MIPEP: variants seen among roughly 807,000 people sequenced by gnomAD.
MIPEP encodes the protein mitochondrial intermediate peptidase.
Under a neutral mutation model 90.3 loss-of-function variants are expected in MIPEP, and 79 were observed. That is an observed-to-expected ratio of 0.87 (90% CI 0.73 to 1.05). The LOEUF is 1.05. Among genes scored for constraint, MIPEP ranks in the 50% least tolerant of loss-of-function variants. The pLI, the probability that MIPEP is intolerant of heterozygous loss-of-function variation, is 0.00. For synonymous variants in MIPEP, 334 were observed against 315.8 expected (o/e 1.06, Z -0.61); for missense variants, 940 against 905.6 (o/e 1.04, Z -0.49).
chr13:23,839,855 A>G (rs1380328211), intron 11 of MIPEP, 129 bp from the exon 12 acceptor site: 6 of 570,858 alleles, frequency 1.1e-5, no homozygotes, highest in Non-Finnish European at 1.8e-5. Context: ...TCTACACCCC[A>G]CATTATCTCG....
chr13:23,834,161 C>T (rs1868911673), intron 14 of MIPEP, among the ~76,000 whole-genome samples: 1 of 152,162 alleles, frequency 6.6e-6, no homozygotes, highest in Non-Finnish European at 1.5e-5. Context: ...CCCCCGGAGC[C>T]GGAGCCTGCC....
rs115221003 is a variant in MIPEP, at chr13:23,777,392, G to C, written c.1849-17175C>G. On this transcript the variant is annotated intron_variant, in intron 16 of 18. Coordinates refer to ENST00000382172, the MANE Select transcript of MIPEP (RefSeq NM_005932.4). ...AGGTTAAACTTATAAACTATGTTTT[G>C]CTAACCATTCTGAGATGCACCATCC... is the stretch of plus-strand genomic sequence containing the variant. 3.0e-3 allele frequency among the ~76,000 whole-genome samples: 459 copies of C among 152,258 alleles called. 3 individuals are homozygous for C. Among genetic ancestry groups the C allele is most frequent in the African/African-American group, 9.8e-3 (408 of 41,532 alleles).
intron 14 of MIPEP, among the ~76,000 whole-genome samples, chr13:23,814,964 C>T (rs1332730099): frequency 6.6e-6 from 1 of 152,310 alleles, no homozygotes; most frequent in Non-Finnish European, 1.5e-5. Context: ...GGGCAACTTA[C>T]TGAACTGTGA....
chr13:23,848,324 A>C (rs1161405073), intron 10 of MIPEP, among the ~76,000 whole-genome samples: 1 of 152,046 alleles, frequency 6.6e-6, no homozygotes, highest in East Asian at 1.9e-4. Context: ...CCCTTCTTCT[A>C]CTCCTATTCC....
intron 16 of MIPEP, among the ~76,000 whole-genome samples, chr13:23,793,225 G>A (rs549272096): frequency 1.3e-3 from 203 of 152,258 alleles, no homozygotes; most frequent in Middle Eastern, 3.4e-3. Flanking sequence ...GTGGCATACT[G>A]GAAAAGAAAA....
intron 10 of MIPEP, among the ~76,000 whole-genome samples, chr13:23,848,957 C>T (rs368902552): frequency 6.6e-6 from 1 of 152,180 alleles, no homozygotes; most frequent in Non-Finnish European, 1.5e-5. Context: ...ATCTGAGGGG[C>T]CCCAAGGAGC....
At chr13:23,846,670 C>T (rs1264531514) in intron 10 of MIPEP, among the ~76,000 whole-genome samples, 1 of 152,164 alleles carries the variant, frequency 6.6e-6, no homozygotes, top group South Asian at 2.1e-4. Flanking sequence ...ATTTTCACGA[C>T]AATCTGTCAC....
At chr13:23,848,708 C>T (rs753431447) in intron 10 of MIPEP, among the ~76,000 whole-genome samples, 5 of 152,080 alleles carry the variant, frequency 3.3e-5, no homozygotes, top group Non-Finnish European at 7.4e-5. Flanking sequence ...AAGAGGGCAG[C>T]AAAGGCCCAA....
In MIPEP at chr13:23,869,431, A is replaced by T; in HGVS notation, c.804T>A (p.Tyr268Ter). Residue 268 changes from tyrosine (Y) to a stop codon, truncating the protein, a stop_gained, in exon 7 of 19, where the codon TAT becomes TAA. Coordinates refer to ENST00000382172, the MANE Select transcript of MIPEP (RefSeq NM_005932.4). LOFTEE classifies it high-confidence loss of function. ...SPDDLVREAA[Y>*]KIFLYPNAGQ... ...CAGCATTGGGATAAAGAAAAATTTT[A>T]TAAGCAGCTTCTCGCACCTACGTTT... 1 of 1,606,952 alleles carries T rather than the reference A, an allele frequency of 6.2e-7. No individual in the cohort carries two copies.
Position 23,837,741 on chromosome 13 carries a change from T to C in MIPEP, c.1354A>G (p.Ile452Val), listed in dbSNP as rs756060769. 14 of 1,612,050 alleles carry C rather than the reference T, an allele frequency of 8.7e-6. No homozygotes were observed. In the East Asian group the frequency reaches 1.6e-4, roughly 18 times the overall value. Residue 452 changes from isoleucine (I) to valine (V), a missense_variant, in exon 13 of 19, where the codon ATC (isoleucine) becomes GTC (valine). Coordinates refer to ENST00000382172, the MANE Select transcript of MIPEP (RefSeq NM_005932.4). ...DKPHQDCHFT[I>V]RGGRLKEDGD... Reference sequence around the variant, plus strand: ...TCTTCCTTTAGTCTGCCTCCACGGATAGTGAAATGGCAATCCTTTAAGAAT... The same window carrying C: ...TCTTCCTTTAGTCTGCCTCCACGGACAGTGAAATGGCAATCCTTTAAGAAT...
intron 5 of MIPEP, among the ~76,000 whole-genome samples, chr13:23,873,538 G>A (rs185831671): frequency 1.7e-4 from 26 of 152,264 alleles, no homozygotes; most frequent in South Asian, 6.2e-4. Flanking sequence ...GTGAGGATTT[G>A]ATGAGAAATA....
chr13:23,872,385 C>T (rs1359705039), intron 5 of MIPEP, among the ~76,000 whole-genome samples: 2 of 152,108 alleles, frequency 1.3e-5, no homozygotes, highest in African/African-American at 4.8e-5. Flanking sequence ...CGCTTGAACC[C>T]GGGAGGCGGA....
At chr13:23,888,891 G>A (rs755088017) in intron 1 of MIPEP, 1 of 559,196 alleles carries the variant, frequency 1.8e-6, no homozygotes, top group Non-Finnish European at 2.7e-6. Context: ...TGGAGCAAGG[G>A]GCTCATGCAG....
In MIPEP at chr13:23,785,698, A is replaced by G. The variant is rs181972972; in HGVS notation, c.1848+20252T>C. Among the ~76,000 whole-genome samples the G allele has an allele frequency of 3.1e-3, 466 of 152,134 alleles. 3 individuals are homozygous for G. The highest frequency in any genetic ancestry group is 6.5e-3 in the Admixed American group (100 of 15,278). On this transcript the variant is annotated intron_variant, in intron 16 of 18. Coordinates refer to ENST00000382172, the MANE Select transcript of MIPEP (RefSeq NM_005932.4). ...AAAGGGTGTATGAGGGACTTCTAAG[A>G]AGAACATATATGATAGTATGCTAGC...
At chr13:23,847,293 T>C (rs974984313) in intron 10 of MIPEP, among the ~76,000 whole-genome samples, 3 of 151,878 alleles carry the variant, frequency 2.0e-5, no homozygotes, top group African/African-American at 7.3e-5. Context: ...AGCCTAACAG[T>C]GAACAAAGAT....
intron 2 of MIPEP, 103 bp downstream of exon 2, chr13:23,886,230 C>G: frequency 1.1e-6 from 1 of 924,200 alleles, no homozygotes; most frequent in Non-Finnish European, 1.4e-6. Flanking sequence ...ACATTTTTAA[C>G]TTTATAATCT....
Position 23,779,462 on chromosome 13 carries a change from G to A in MIPEP, c.1849-19245C>T, listed in dbSNP as rs562048243. Among the ~76,000 whole-genome samples, 8 of 152,156 alleles carry A rather than the reference G, an allele frequency of 5.3e-5. 1 individual carries two copies. In the East Asian group the frequency reaches 1.4e-3, roughly 26 times the overall value. On this transcript the variant is annotated intron_variant, in intron 16 of 18. Transcript: ENST00000382172. ...ACCATAAAACAAATACATTTAAAAA[G>A]GTGTATGGGGGGGGCAGTTCCAAGA...
chr13:23,869,576 A>G (rs1219351634), intron 6 of MIPEP, 128 bp from the exon 7 acceptor site: 1 of 847,450 alleles, frequency 1.2e-6, no homozygotes, highest in Non-Finnish European at 1.7e-6. Context: ...GCAATGGTCT[A>G]CACGAGGCCA....
At chr13:23,862,941 G>A (rs1174139643) in intron 8 of MIPEP, among the ~76,000 whole-genome samples, 1 of 152,112 alleles carries the variant, frequency 6.6e-6, no homozygotes, top group Non-Finnish European at 1.5e-5. Context: ...AAGTAAAGCA[G>A]GATAAATCCT....
Sources: allele counts gnomAD v4.1 joint callset (sites outside exome capture counted in the v4.1 genomes callset), GRCh38; gene constraint gnomAD v4.1.1; transcripts MANE v1.5; gene names NCBI Gene and HGNC (gene_info 2026-07-23, HGNC 2026-07-21).